Variants in UNK observed in about 807,000 individuals in gnomAD.
UNK encodes the protein unk zinc finger, also known as RING finger protein unkempt homolog.
UNK carries 32 observed loss-of-function variants against 97.6 expected under a neutral mutation model. That is an observed-to-expected ratio of 0.33 (90% CI 0.25 to 0.44). UNK has a LOEUF of 0.44. UNK is among the 20% of genes least tolerant of loss of function. The pLI is 1.00. For missense variants in UNK, 771 were observed against 1,098.4 expected, an observed-to-expected ratio of 0.70 and a Z score of 4.21; for synonymous variants, 441 against 461.2, an observed-to-expected ratio of 0.96 and a Z score of 0.56.
In UNK at chr17:75,824,580, G is replaced by A. The variant is rs868223821; in HGVS notation, c.*163G>A. ...TATGTATGTATATGTATACATTTCC[G>A]TATGTGTGCAGGTATGCGTGGTGGT... On this transcript the variant is annotated 3_prime_UTR_variant, in exon 16 of 16. Transcript: ENST00000589666. The surrounding 1 kb of genome is among the most constrained non-coding windows in gnomAD (Gnocchi z 4.9). The A allele has an allele frequency of 2.5e-5, 12 of 481,380 alleles. No homozygotes were observed. Among genetic ancestry groups the A allele is most frequent in the Middle Eastern group, 6.8e-4 (1 of 1,472 alleles). 29.8% of individuals were successfully genotyped at this position (481,380 alleles called of 1,614,324 possible).
At chr17:75,792,229 G>A (rs1332890906) in intron 1 of UNK, 2 of 929,942 alleles carry the variant, frequency 2.2e-6, no homozygotes, top group African/African-American at 3.6e-5. Flanking sequence ...TAGTGGACTG[G>A]TCTAGTGATT....
In UNK at chr17:75,816,922, C is replaced by T; in HGVS notation, c.1104+10C>T. 1 of 1,597,308 alleles carries T rather than the reference C, an allele frequency of 6.3e-7. No individual in the cohort carries two copies. Among genetic ancestry groups the T allele is most frequent in the Non-Finnish European group, 8.5e-7 (1 of 1,176,832 alleles). On this transcript the variant is annotated intron_variant, in intron 8 of 15. Transcript: ENST00000589666. The surrounding 1 kb of genome is among the most constrained non-coding windows in gnomAD (Gnocchi z 4.0). ...CCCTGACCTCAGTGCCGTACGTGTC[C>T]ATCCTGGGGAGTGGGTGGGCACCAT...
chr17:75,807,215 T>G (rs2061926373), intron 1 of UNK, among the ~76,000 whole-genome samples: 1 of 152,144 alleles, frequency 6.6e-6, no homozygotes, highest in Non-Finnish European at 1.5e-5. Context: ...ACTACCAGGT[T>G]TAGCAAATAA....
rs976458155 is a variant in UNK, at chr17:75,824,634, C to T, written c.*217C>T. 27 of 250,114 alleles carry T rather than the reference C, an allele frequency of 1.1e-4. No homozygotes were observed. The highest frequency in any genetic ancestry group is 1.8e-4 in the Non-Finnish European group (26 of 140,878). 15.5% of individuals were successfully genotyped at this position (250,114 alleles called of 1,614,324 possible). ...GACAGTGTCTGTGTGTATATCTGTACATAGATATAGACACACACTTTAAAA... is the reference window on the plus strand; with the variant it reads ...GACAGTGTCTGTGTGTATATCTGTATATAGATATAGACACACACTTTAAAA... On this transcript the variant is annotated 3_prime_UTR_variant, in exon 16 of 16. Coordinates refer to ENST00000589666, the MANE Select transcript of UNK (RefSeq NM_001080419.3). This position sits in a 1 kb window ranked among gnomAD's most constrained non-coding sequence, Gnocchi z 4.9.
At chr17:75,806,734 C>G (rs958661720) in intron 1 of UNK, among the ~76,000 whole-genome samples, 25 of 152,164 alleles carry the variant, frequency 1.6e-4, no homozygotes, top group South Asian at 4.1e-4. Context: ...GATTGCGCCA[C>G]TGCACTCTAG....
chr17:75,816,931 G>T lies in UNK; in HGVS notation c.1104+19G>T, dbSNP rs1258409119. The T allele has an allele frequency of 3.8e-6, 6 of 1,592,450 alleles. No homozygotes were observed. The highest frequency in any genetic ancestry group is 4.3e-6 in the Non-Finnish European group (5 of 1,174,846). On this transcript the variant is annotated intron_variant, in intron 8 of 15. Transcript: ENST00000589666. This position sits in a 1 kb window ranked among gnomAD's most constrained non-coding sequence, Gnocchi z 4.0. The stretch of plus-strand genomic sequence containing the variant: ...CAGTGCCGTACGTGTCCATCCTGGG[G>T]AGTGGGTGGGCACCATGCCTGACAG...
At chr17:75,806,246 G>A (rs1005539404) in intron 1 of UNK, among the ~76,000 whole-genome samples, 2 of 151,816 alleles carry the variant, frequency 1.3e-5, no homozygotes, top group Non-Finnish European at 2.9e-5. Context: ...GCAAGTTCAG[G>A]AGATCAAGAC....
Position 75,816,905 on chromosome 17 carries a change from T to G in UNK, c.1097T>G (p.Leu366Arg), listed in dbSNP as rs556555617. 101 of 1,602,850 alleles carry G rather than the reference T, an allele frequency of 6.3e-5. No homozygotes were observed. The Admixed American group carries it at 1.7e-3, about 27-fold the overall frequency. The change falls in exon 8 of 16, where the codon CTC becomes CGC. Residue 366 changes from leucine to arginine, a missense_variant. By Grantham distance (102) the Leu-to-Arg change is moderately radical (BLOSUM62 -2). Coordinates refer to ENST00000589666, the MANE Select transcript of UNK (RefSeq NM_001080419.3). This position sits in a 1 kb window ranked among gnomAD's most constrained non-coding sequence, Gnocchi z 4.0. ...VSPSSPHAPD[L>R]SALLCRNSSL... ...CCCTCCAGCCCGCATGCCCCTGACC[T>G]CAGTGCCGTACGTGTCCATCCTGGG...
chr17:75,824,420 C>T lies in UNK; in HGVS notation c.*3C>T, dbSNP rs1252187367. On this transcript the variant is annotated 3_prime_UTR_variant, in exon 16 of 16. Coordinates refer to ENST00000589666, the MANE Select transcript of UNK (RefSeq NM_001080419.3). This position sits in a 1 kb window ranked among gnomAD's most constrained non-coding sequence, Gnocchi z 4.9. ...GGGCCCACACCCTCCAGTCGTGACC[C>T]TGCAGGCCTGGCCCAGCCTGGCCCA... 1 of 1,505,912 alleles carries T rather than the reference C, an allele frequency of 6.6e-7. No homozygotes were observed. Among genetic ancestry groups the T allele is most frequent in the African/African-American group, 1.4e-5 (1 of 70,550 alleles). 93.3% of individuals were successfully genotyped at this position (1,505,912 alleles called of 1,614,324 possible). A position where few individuals can be genotyped will look rare whatever the true frequency, so the allele number is the denominator to read the frequency against.
chr17:75,803,892 G>T (rs2061886400), intron 1 of UNK, among the ~76,000 whole-genome samples: 1 of 152,236 alleles, frequency 6.6e-6, no homozygotes, highest in Non-Finnish European at 1.5e-5. Flanking sequence ...AGCTTTTGCT[G>T]CAGACTAGGT....
At chr17:75,793,314 AC>A in intron 1 of UNK, 8 of 626,808 alleles carry the variant, frequency 1.3e-5, no homozygotes, top group Non-Finnish European at 1.6e-5. Flanking sequence ...TTCTTTAAGG[AC>A]AGGCCATGTG....
At chr17:75,793,801 T>A (rs1197080973) in intron 1 of UNK, 1 of 985,442 alleles carries the variant, frequency 1.0e-6, no homozygotes, top group Non-Finnish European at 1.2e-6. Flanking sequence ...ATGTCCCACC[T>A]TCCTATGAAA....
At chr17:75,785,286 A>G (rs1382047763) in intron 1 of UNK, 5 of 340,044 alleles carry the variant, frequency 1.5e-5, no homozygotes, top group South Asian at 4.3e-5. Flanking sequence ...TCCTCAGACC[A>G]TAAAACCACA....
chr17:75,808,326 G>A (rs1186252448), intron 1 of UNK, among the ~76,000 whole-genome samples: 1 of 152,186 alleles, frequency 6.6e-6, no homozygotes, highest in African/African-American at 2.4e-5. Context: ...AGGCCATAGG[G>A]AGGCTTCCAG....
intron 7 of UNK, among the ~76,000 whole-genome samples, chr17:75,815,886 A>T (rs796584993): frequency 7.3e-4 from 2 of 2,748 alleles, no homozygotes; most frequent in Admixed American, 9.1e-3. Context: ...ACTCTGTCTT[A>T]AAAAAAAAAA....
chr17:75,820,125 T>A lies in UNK; in HGVS notation c.1837+17T>A, dbSNP rs762218778. The A allele has an allele frequency of 1.3e-6, 2 of 1,597,430 alleles. No homozygotes were observed. Among genetic ancestry groups the A allele is most frequent in the South Asian group, 2.3e-5 (2 of 88,880 alleles). ...GATCTTTGGGTAAGAGAGGGAGTGG[T>A]TCACTCAGGAGAACTGGGGCAGGAA... On this transcript the variant is annotated intron_variant, in intron 13 of 15. Transcript: ENST00000589666.
intron 1 of UNK, among the ~76,000 whole-genome samples, chr17:75,799,630 T>C (rs2061837804): frequency 6.6e-6 from 1 of 152,240 alleles, no homozygotes; most frequent in African/African-American, 2.4e-5. Flanking sequence ...GGGTCAGCTC[T>C]GTGCAGGGGT....
chr17:75,819,851 T>G lies in UNK; in HGVS notation c.1648+66T>G. 1 of 1,607,726 alleles carries G rather than the reference T, an allele frequency of 6.2e-7. No homozygotes were observed. The highest frequency in any genetic ancestry group is 8.5e-7 in the Non-Finnish European group (1 of 1,176,528). ...CGGGTTCCTGCCTGGCTCAGGCCCC[T>G]TGCTCTGTGTGGCCCGCCTGGCTTC... On this transcript the variant is annotated intron_variant, in intron 12 of 15. Coordinates refer to ENST00000589666, the MANE Select transcript of UNK (RefSeq NM_001080419.3). This position sits in a 1 kb window ranked among gnomAD's most constrained non-coding sequence, Gnocchi z 5.4.
At chr17:75,822,409 A>G in intron 13 of UNK, 68 bp from the exon 14 acceptor site, 2 of 1,520,366 alleles carry the variant, frequency 1.3e-6, no homozygotes, top group South Asian at 2.6e-5. Flanking sequence ...GGAACCTCTG[A>G]GGCAGGGCTG....
Sources: gnomAD v4.1 joint callset for allele counts (sites outside exome capture counted in the v4.1 genomes callset) on GRCh38, gnomAD v4.1.1 for gene constraint, Gnocchi (gnomAD v3.1) non-coding constraint, MANE v1.5 for transcripts, NCBI Gene and HGNC (gene_info 2026-07-23, HGNC 2026-07-21) for gene names.